CACNB1: variants seen among roughly 807,000 people sequenced by gnomAD.
CACNB1 encodes the protein voltage-dependent L-type calcium channel subunit beta-1.
Under a neutral mutation model 71.6 loss-of-function variants are expected in CACNB1, and 29 were observed. The ratio of observed to expected loss-of-function variants is 0.40; its 90% CI spans 0.30 to 0.55. The LOEUF (loss-of-function observed/expected upper bound fraction) is 0.55, where lower values mean the gene tolerates loss of function less well. Ranked by LOEUF, CACNB1 falls within the 20% of genes least tolerant of loss-of-function variation. The pLI is 0.38. For synonymous variants in CACNB1, 300 were observed against 319.6 expected, an observed-to-expected ratio of 0.94 and a Z score of 0.65; for missense variants, 623 against 801.8, an observed-to-expected ratio of 0.78 and a Z score of 2.69.
In CACNB1 at chr17:39,186,900, C is replaced by T. The variant is rs1326513718; in HGVS notation, c.444G>A (p.Arg148=). ...EKYNNDWWIG[R]LVKEGCEVGF... is the part of the protein sequence containing the mutation. ...CAACCTCACAGCCCTCCTTCACCAG[C>T]CGCCCGATCCACCAGTCATTATTGT... Residue 148 remains arginine (R), a synonymous_variant, in exon 5 of 14, where the codon CGG becomes CGA. Transcript: ENST00000394303. This position sits in a 1 kb window ranked among gnomAD's most constrained non-coding sequence, Gnocchi z 4.1. The T allele has an allele frequency of 6.2e-7, 1 of 1,614,168 alleles. No individual in the cohort carries two copies.
At chr17:39,185,333 G>A (rs1597701898) in intron 6 of CACNB1, among the ~76,000 whole-genome samples, 183 bp from the exon 7 acceptor site, 1 of 152,062 alleles carries the variant, frequency 6.6e-6, no homozygotes, top group African/African-American at 2.4e-5. Context: ...GGGACCCCAC[G>A]CCAAGGGGGA....
Position 39,177,399 on chromosome 17 carries a change from A to T in CACNB1, c.1283T>A (p.Met428Lys). 1 of 1,613,590 alleles carries T rather than the reference A, an allele frequency of 6.2e-7. No individual in the cohort carries two copies. The highest frequency in any genetic ancestry group is 8.5e-7 in the Non-Finnish European group (1 of 1,179,834). Reference sequence around the variant, plus strand: ...GCTGGCAGCCAGGGCTGCGGTAGCCATGGTGCGGTTCAGCAGCGGATTGGG... The same window carrying T: ...GCTGGCAGCCAGGGCTGCGGTAGCCTTGGTGCGGTTCAGCAGCGGATTGGG... The part of the protein sequence containing the change: ...TPPNPLLNRT[M>K]ATAALAASPA... The change falls in exon 13 of 14, where the codon ATG becomes AAG. Residue 428 changes from methionine (M) to lysine (K), a missense_variant. Transcript: ENST00000394303.
At position 39,187,925 on chromosome 17, in the gene CACNB1, G is replaced by C. The variant is rs374058146; in HGVS notation, c.292-324C>G. On this transcript the variant is annotated intron_variant, in intron 3 of 13. Transcript: ENST00000394303. ...CTACTCAGGAGGCTGAGGCAGGAGA[G>C]TTGCTTGAACCTGGAAGGTGGAGGT... 5.1e-3 allele frequency among the ~76,000 whole-genome samples: 775 copies of C among 151,830 alleles called. 8 individuals carry two copies. The highest frequency in any genetic ancestry group is 8.7e-3 in the Non-Finnish European group (594 of 67,926).
rs1008410491 is a variant in CACNB1, at chr17:39,194,655, G to A, written c.171+229C>T. ...ACGCAGGCCAGCAGGCAGCAGGGGA[G>A]GGTGCCTGGTGCTGGGGGAGGGGCC... On this transcript the variant is annotated intron_variant, in intron 2 of 13. Transcript: ENST00000394303. This position sits in a 1 kb window ranked among gnomAD's most constrained non-coding sequence, Gnocchi z 4.6. 2.0e-5 allele frequency among the ~76,000 whole-genome samples: 3 copies of A among 152,082 alleles called. No homozygotes were observed. The highest frequency in any genetic ancestry group is 4.4e-5 in the Non-Finnish European group (3 of 68,012).
At position 39,173,687 on chromosome 17, in the gene CACNB1, CACA is replaced by C. The variant is rs1277010167; in HGVS notation, c.*1503_*1505del. The C allele has an allele frequency of 6.6e-6, 1 of 152,416 alleles. No homozygotes were observed. Among genetic ancestry groups the C allele is most frequent in the East Asian group, 1.9e-4 (1 of 5,330 alleles). 9.4% of individuals were successfully genotyped at this position (152,416 alleles called of 1,614,324 possible). On this transcript the variant is annotated 3_prime_UTR_variant, in exon 14 of 14. Coordinates refer to ENST00000394303, the MANE Select transcript of CACNB1 (RefSeq NM_000723.5). ...TTTCTTTTGAGTCAATGACTCAGGG[CACA>C]ACATCTTCAGGCACCCACCCTTTCA... is the stretch of plus-strand genomic sequence containing the variant.
intron 3 of CACNB1, among the ~76,000 whole-genome samples, chr17:39,190,363 C>G (rs1457767377): frequency 6.6e-6 from 1 of 152,124 alleles, no homozygotes; most frequent in Non-Finnish European, 1.5e-5. Context: ...GATCACGCCG[C>G]TACACTCAGC....
intron 8 of CACNB1, 144 bp from the exon 9 acceptor site, chr17:39,184,527 G>A (rs2045880739): frequency 1.5e-6 from 1 of 652,400 alleles, no homozygotes; most frequent in South Asian, 1.7e-5. Flanking sequence ...CTGAGTCTGA[G>A]GGGCCTCCAC....
rs901493196 is a variant in CACNB1 at position 39,175,727 on chromosome 17, C to T, written c.1333-70G>A. Reference sequence around the variant, plus strand: ...GTGAGAAAAACACAACAAAGCAAGGCAAGTTAGTGACAGCATTAAGAGGTC... The same window carrying T: ...GTGAGAAAAACACAACAAAGCAAGGTAAGTTAGTGACAGCATTAAGAGGTC... On this transcript the variant is annotated intron_variant, in intron 13 of 13. Transcript: ENST00000394303. This position sits in a 1 kb window ranked among gnomAD's most constrained non-coding sequence, Gnocchi z 4.7. 8.0e-7 allele frequency: 1 copy of T among 1,256,614 alleles called. No homozygotes were observed. The highest frequency in any genetic ancestry group is 1.1e-6 in the Non-Finnish European group (1 of 904,664). The allele number at this position is 1,256,614 out of a possible 1,614,324, so 77.8% of individuals were successfully genotyped here.
rs1597703941 is a variant in CACNB1, at chr17:39,186,228, T to G, written c.628+268A>C. The stretch of plus-strand genomic sequence containing the variant: ...TGGGGAAAAAAGAAAGAAGAAGAGG[T>G]GAATGGAACAGGGCTGGGAGAAATG... On this transcript the variant is annotated intron_variant, in intron 6 of 13. Transcript: ENST00000394303. This position sits in a 1 kb window ranked among gnomAD's most constrained non-coding sequence, Gnocchi z 4.1. The G allele has an allele frequency of 1.3e-6, 1 of 789,566 alleles. No homozygotes were observed. Among genetic ancestry groups the G allele is most frequent in the African/African-American group, 1.7e-5 (1 of 57,154 alleles). The allele number at this position is 789,566 out of a possible 1,614,324, so 48.9% of individuals were successfully genotyped here. A position where few individuals can be genotyped will look rare whatever the true frequency, so the allele number is the denominator to read the frequency against.
At chr17:39,182,898 A>C in intron 11 of CACNB1, 1 of 929,542 alleles carries the variant, frequency 1.1e-6, no homozygotes, top group Non-Finnish European at 1.3e-6. Flanking sequence ...CAACAATAAG[A>C]ATAAATCAAT....
At chr17:39,176,020 G>A (rs1597677877) in intron 13 of CACNB1, among the ~76,000 whole-genome samples, 3 of 152,168 alleles carry the variant, frequency 2.0e-5, no homozygotes, top group Admixed American at 6.5e-5. Flanking sequence ...ACTCATTAGC[G>A]GTTGATTCGG....
Position 39,186,940 on chromosome 17 carries a change from T to C in CACNB1, c.415-11A>G. 1 of 1,613,266 alleles carries C rather than the reference T, an allele frequency of 6.2e-7. No homozygotes were observed. Among genetic ancestry groups the C allele is most frequent in the Non-Finnish European group, 8.5e-7 (1 of 1,179,304 alleles). ...GTCATTATTGTATTTCTGCAAAGAATATGGCAGGTGGGTGGAAAGAGCAAG... is the reference window on the plus strand; with the variant it reads ...GTCATTATTGTATTTCTGCAAAGAACATGGCAGGTGGGTGGAAAGAGCAAG... On this transcript the variant is annotated splice_polypyrimidine_tract_variant and intron_variant, in intron 4 of 13. Coordinates refer to ENST00000394303, the MANE Select transcript of CACNB1 (RefSeq NM_000723.5). This position sits in a 1 kb window ranked among gnomAD's most constrained non-coding sequence, Gnocchi z 4.1.
rs544389054 is a variant in CACNB1, at chr17:39,194,434, G to A, written c.171+450C>T. Reference sequence around the variant, plus strand: ...ACAGTCATGTCTCGAGGTGAGGAGCGTGTTTCCCTGGCCAGGACCTCACCA... The same window carrying A: ...ACAGTCATGTCTCGAGGTGAGGAGCATGTTTCCCTGGCCAGGACCTCACCA... On this transcript the variant is annotated intron_variant, in intron 2 of 13. Coordinates refer to ENST00000394303, the MANE Select transcript of CACNB1 (RefSeq NM_000723.5). This position sits in a 1 kb window ranked among gnomAD's most constrained non-coding sequence, Gnocchi z 4.6. Among the ~76,000 whole-genome samples the A allele has an allele frequency of 1.4e-4, 21 of 152,160 alleles. No homozygotes were observed. The highest frequency in any genetic ancestry group is 3.9e-4 in the Admixed American group (6 of 15,300).
At chr17:39,192,283 C>T (rs1316172658) in intron 2 of CACNB1, 1 of 152,652 alleles carries the variant, frequency 6.6e-6, no homozygotes, top group Non-Finnish European at 1.5e-5. Flanking sequence ...AGGGCTTTCC[C>T]TGAAATGAGG....
Position 39,185,906 on chromosome 17 carries a change from G to C in CACNB1, c.628+590C>G, listed in dbSNP as rs770401544. On this transcript the variant is annotated intron_variant, in intron 6 of 13. Transcript: ENST00000394303. ...GCCCCCTTCCCTCCACCAAAGTGCTGGCCCTGACTCCCCCACCTCTTGCAA... is the reference window on the plus strand; with the variant it reads ...GCCCCCTTCCCTCCACCAAAGTGCTCGCCCTGACTCCCCCACCTCTTGCAA... 3 of 1,587,768 alleles carry C rather than the reference G, an allele frequency of 1.9e-6. No individual in the cohort carries two copies. The South Asian group carries it at 3.5e-5, about 18-fold the overall frequency.
intron 8 of CACNB1, among the ~76,000 whole-genome samples, 158 bp from the exon 9 acceptor site, chr17:39,184,541 GGTC>G (rs2045881510): frequency 6.6e-6 from 1 of 151,980 alleles, no homozygotes. Context: ...CCTCCACTGG[GGTC>G]TCTGGTTCCA....
chr17:39,196,728 C>A (rs934564132), intron 1 of CACNB1, among the ~76,000 whole-genome samples: 2 of 151,414 alleles, frequency 1.3e-5, no homozygotes, highest in Non-Finnish European at 2.9e-5. Context: ...AAACAGCTTC[C>A]CCCCCTCCTA....
chr17:39,186,970 A>T lies in CACNB1; in HGVS notation c.415-41T>A. 1 of 1,607,160 alleles carries T rather than the reference A, an allele frequency of 6.2e-7. No individual in the cohort carries two copies. Among genetic ancestry groups the T allele is most frequent in the Non-Finnish European group, 8.5e-7 (1 of 1,174,370 alleles). On this transcript the variant is annotated intron_variant, in intron 4 of 13. Coordinates refer to ENST00000394303, the MANE Select transcript of CACNB1 (RefSeq NM_000723.5). This position sits in a 1 kb window ranked among gnomAD's most constrained non-coding sequence, Gnocchi z 4.1. ...CAGGTGGGTGGAAAGAGCAAGAGGG[A>T]AACTGCAGGGGCAAGCTAGCAGTCA...
intron 1 of CACNB1, among the ~76,000 whole-genome samples, chr17:39,196,343 C>T (rs1363327556): frequency 6.6e-6 from 1 of 152,142 alleles, no homozygotes; most frequent in Admixed American, 6.5e-5. Context: ...CCTCCCCCAC[C>T]ACTGCCAGGC....
Sources: allele counts gnomAD v4.1 joint callset (sites outside exome capture counted in the v4.1 genomes callset), GRCh38; gene constraint gnomAD v4.1.1; non-coding constraint Gnocchi (gnomAD v3.1); transcripts MANE v1.5; gene names NCBI Gene and HGNC (gene_info 2026-07-23, HGNC 2026-07-21).